Variants in ZFPM2 observed in about 807,000 individuals in gnomAD.
The protein encoded by ZFPM2 is zinc finger protein ZFPM2.
In ZFPM2, 20 loss-of-function variants were observed where a neutral mutation model predicts 98.6. The observed-to-expected ratio is 0.20, with a 90% CI of 0.14 to 0.29. The LOEUF (loss-of-function observed/expected upper bound fraction) is 0.29. Among genes scored for constraint, ZFPM2 ranks in the 10% least tolerant of loss-of-function variants. The pLI, the probability that ZFPM2 is intolerant of heterozygous loss-of-function variation, is 1.00. For missense variants in ZFPM2, 1,310 were observed against 1,388.6 expected, an observed-to-expected ratio of 0.94 and a Z score of 0.90; for synonymous variants, 518 against 502.7, an observed-to-expected ratio of 1.03 and a Z score of -0.41.
intron 5 of ZFPM2, among the ~76,000 whole-genome samples, chr8:105,667,047 T>G (rs1817502345): frequency 6.6e-6 from 1 of 152,158 alleles, no homozygotes; most frequent in Admixed American, 6.5e-5. Flanking sequence ...TAGAACACAG[T>G]TTTTATTTGA....
chr8:105,429,212 A>T (rs962570609), intron 2 of ZFPM2, among the ~76,000 whole-genome samples: 15 of 152,254 alleles, frequency 9.9e-5, no homozygotes, highest in African/African-American at 3.4e-4. Context: ...GGTCTTACGT[A>T]AACTGTAATT....
chr8:105,741,374 A>G (rs946613939), intron 5 of ZFPM2, among the ~76,000 whole-genome samples: 6 of 152,152 alleles, frequency 3.9e-5, no homozygotes, highest in Admixed American at 6.6e-5. Context: ...AATGCAGCAG[A>G]TAAATGAGAG....
At chr8:105,765,654 A>G (rs1433588904) in intron 5 of ZFPM2, among the ~76,000 whole-genome samples, 1 of 151,872 alleles carries the variant, frequency 6.6e-6, no homozygotes, top group Admixed American at 6.6e-5. Context: ...GAGAGTTATC[A>G]GGCAGCTCGT....
chr8:105,352,929 G>C (rs1044073656), intron 1 of ZFPM2, among the ~76,000 whole-genome samples: 1 of 152,058 alleles, frequency 6.6e-6, no homozygotes, highest in African/African-American at 2.4e-5. Context: ...AACTCATACA[G>C]ATTGTTTCAC....
rs79123129 is a variant in ZFPM2, at chr8:105,742,379, T to TAAAAA, written c.533-46323_533-46319dup. ...GGCAACAGAGTGAGATCCTGTCTCTTAAAAAAAAAAAAAAAAAAAAGGTGT... is the reference window on the plus strand; with the variant it reads ...GGCAACAGAGTGAGATCCTGTCTCTTAAAAAAAAAAAAAAAAAAAAAAAAAGGTGT... On this transcript the variant is annotated intron_variant, in intron 5 of 7. Coordinates refer to ENST00000407775, the MANE Select transcript of ZFPM2 (RefSeq NM_012082.4). Among the ~76,000 whole-genome samples, 297 of 109,754 alleles carry TAAAAA rather than the reference T, an allele frequency of 2.7e-3. 3 individuals carry two copies. The highest frequency in any genetic ancestry group is 9.1e-3 in the African/African-American group (260 of 28,522). The allele number at this position is 109,754 out of a possible 152,430, so 72.0% of individuals were successfully genotyped here. A position where few individuals can be genotyped will look rare whatever the true frequency, so the allele number is the denominator to read the frequency against.
chr8:105,775,031 A>G (rs1813066595), intron 5 of ZFPM2, among the ~76,000 whole-genome samples: 1 of 150,506 alleles, frequency 6.6e-6, no homozygotes, highest in South Asian at 2.1e-4. Context: ...AGCAGTCAAC[A>G]CTTTTAAACT....
At chr8:105,481,835 C>T (rs959072512) in intron 3 of ZFPM2, among the ~76,000 whole-genome samples, 2 of 152,130 alleles carry the variant, frequency 1.3e-5, no homozygotes, top group African/African-American at 4.8e-5. Context: ...CAAACTAACT[C>T]GATAGTGTGT....
At chr8:105,463,977 C>A (rs1812749810) in intron 3 of ZFPM2, among the ~76,000 whole-genome samples, 1 of 151,972 alleles carries the variant, frequency 6.6e-6, no homozygotes, top group African/African-American at 2.4e-5. Context: ...TACAAAATCC[C>A]CGCCTCCCCG....
At chr8:105,688,374 A>T (rs532280530) in intron 5 of ZFPM2, among the ~76,000 whole-genome samples, 6 of 152,274 alleles carry the variant, frequency 3.9e-5, no homozygotes, top group African/African-American at 7.2e-5. Flanking sequence ...AAGCTTTAAA[A>T]TATTGAGTAG....
chr8:105,337,228 A>G (rs1363581783), intron 1 of ZFPM2, among the ~76,000 whole-genome samples: 1 of 151,754 alleles, frequency 6.6e-6, no homozygotes, highest in African/African-American at 2.4e-5. Flanking sequence ...ACACCATGTT[A>G]GCAAGTCAGA....
chr8:105,486,710 A>G (rs1313803368), intron 3 of ZFPM2, among the ~76,000 whole-genome samples: 1 of 152,208 alleles, frequency 6.6e-6, no homozygotes, highest in Non-Finnish European at 1.5e-5. Context: ...ATTCAGGGAT[A>G]TTGACAGATA....
intron 3 of ZFPM2, among the ~76,000 whole-genome samples, chr8:105,489,421 TTTATA>T (rs1234941683): frequency 2.1e-5 from 3 of 145,960 alleles, no homozygotes; most frequent in Non-Finnish European, 3.0e-5. Context: ...AGATATATCT[TTTATA>T]TATATTTATA....
chr8:105,337,655 C>A lies in ZFPM2; in HGVS notation c.40+18674C>A, dbSNP rs370090180. Among the ~76,000 whole-genome samples, 12 of 151,484 alleles carry A rather than the reference C, an allele frequency of 7.9e-5. No homozygotes were observed. The East Asian group carries it at 1.6e-3, about 20-fold the overall frequency. ...ATTATGTGTGTGACCTTATTAGTGA[C>A]CTTAACTATCGTCTTCTAATGTATT... On this transcript the variant is annotated intron_variant, in intron 1 of 7. Coordinates refer to ENST00000407775, the MANE Select transcript of ZFPM2 (RefSeq NM_012082.4).
chr8:105,643,708 T>G (rs1191328299), intron 5 of ZFPM2, among the ~76,000 whole-genome samples: 1 of 152,198 alleles, frequency 6.6e-6, no homozygotes, highest in Admixed American at 6.5e-5. Context: ...ACAATCAAAA[T>G]TTGTTCTCCT....
chr8:105,723,934 A>G (rs1811737266), intron 5 of ZFPM2, among the ~76,000 whole-genome samples: 1 of 151,736 alleles, frequency 6.6e-6, no homozygotes, highest in Non-Finnish European at 1.5e-5. Context: ...ACATCCAGGA[A>G]CTTGTTTGTA....
chr8:105,674,684 A>G (rs78610430), intron 5 of ZFPM2, among the ~76,000 whole-genome samples: 1,801 of 152,316 alleles, frequency 0.012, 96 homozygotes, highest in Admixed American at 0.089. Flanking sequence ...GATAGGATAG[A>G]GGCTGATTTT....
chr8:105,714,772 A>G (rs186710007), intron 5 of ZFPM2, among the ~76,000 whole-genome samples: 132 of 152,212 alleles, frequency 8.7e-4, no homozygotes, highest in African/African-American at 2.7e-3. Flanking sequence ...TGCAAATGCT[A>G]CAAGTTAGGC....
chr8:105,442,161 G>C (rs1442051145), intron 2 of ZFPM2, among the ~76,000 whole-genome samples: 2 of 146,610 alleles, frequency 1.4e-5, no homozygotes, highest in Admixed American at 6.9e-5. Flanking sequence ...GTGAAACCCC[G>C]TCTCTACTAA....
At chr8:105,729,686 C>T (rs1563539789) in intron 5 of ZFPM2, among the ~76,000 whole-genome samples, 3 of 151,630 alleles carry the variant, frequency 2.0e-5, no homozygotes, top group African/African-American at 4.8e-5. Flanking sequence ...ATAACTGACT[C>T]ATATTCTGCA....
Sources: gnomAD v4.1 joint callset for allele counts (sites outside exome capture counted in the v4.1 genomes callset) on GRCh38, gnomAD v4.1.1 for gene constraint, MANE v1.5 for transcripts, NCBI Gene and HGNC (gene_info 2026-07-23, HGNC 2026-07-21) for gene names.